FAM178B: variants seen among roughly 807,000 people sequenced by gnomAD.
FAM178B encodes the protein family with sequence similarity 178 member B, also known as protein FAM178B.
In FAM178B, 82 loss-of-function variants were observed where a neutral mutation model predicts 91.7. That is an observed-to-expected ratio of 0.89 (90% CI 0.75 to 1.07). FAM178B has a LOEUF of 1.07. FAM178B is among the 50% of genes least tolerant of loss of function. The probability of loss-of-function intolerance (pLI) is 0.00; values close to 1 mark genes in which losing one functional copy is unlikely to be tolerated. For missense variants in FAM178B, 769 were observed against 846.7 expected (o/e 0.91, Z 1.14); for synonymous variants, 368 against 359.4 (o/e 1.02, Z -0.27).
chr2:96,881,588 A>G lies in FAM178B; in HGVS notation c.1777-3095T>C, dbSNP rs1389218073. Among the ~76,000 whole-genome samples, 2 of 151,676 alleles carry G rather than the reference A, an allele frequency of 1.3e-5. 1 individual carries two copies. The highest frequency in any genetic ancestry group is 4.8e-5 in the African/African-American group (2 of 41,310). Reference sequence around the variant, plus strand: ...CCGGCTGCAGAACTTCCCCTCCTAGAAGGAGTCGTGGGGAGGGTCTGAGAT... The same window carrying G: ...CCGGCTGCAGAACTTCCCCTCCTAGGAGGAGTCGTGGGGAGGGTCTGAGAT... On this transcript the variant is annotated intron_variant, in intron 14 of 16. Coordinates refer to ENST00000490605, the MANE Select transcript of FAM178B (RefSeq NM_001122646.3).
At chr2:96,981,752 A>AGAAAAT (rs200779582) in intron 1 of FAM178B, among the ~76,000 whole-genome samples, 2 of 34,928 alleles carry the variant, frequency 5.7e-5, no homozygotes, top group Non-Finnish European at 3.9e-4. Context: ...AAAAAAAAAA[A>AGAAAAT]AAAAAAAAAA....
chr2:96,918,834 G>A (rs544869025), intron 12 of FAM178B, among the ~76,000 whole-genome samples: 9 of 152,238 alleles, frequency 5.9e-5, no homozygotes, highest in African/African-American at 1.9e-4. Context: ...TGACTTAACC[G>A]GTTTATGTTA....
At chr2:96,963,848 C>T (rs947785002) in intron 5 of FAM178B, among the ~76,000 whole-genome samples, 53 of 152,192 alleles carry the variant, frequency 3.5e-4, no homozygotes, top group Non-Finnish European at 8.8e-5. Flanking sequence ...AAACTTTTCA[C>T]AAAGTTTGCT....
At chr2:96,980,468 G>C (rs2082347390) in intron 1 of FAM178B, among the ~76,000 whole-genome samples, 1 of 152,222 alleles carries the variant, frequency 6.6e-6, no homozygotes, top group Admixed American at 6.5e-5. Context: ...TGTGATCATA[G>C]CTCACTGCAG....
intron 8 of FAM178B, among the ~76,000 whole-genome samples, chr2:96,933,269 A>C (rs1419642903): frequency 3.3e-5 from 5 of 152,124 alleles, no homozygotes; most frequent in Non-Finnish European, 7.4e-5. Context: ...AAAAATTAAA[A>C]AAATTTGCCA....
chr2:96,942,664 G>T (rs1241844178), intron 8 of FAM178B, among the ~76,000 whole-genome samples: 1 of 152,036 alleles, frequency 6.6e-6, no homozygotes, highest in Non-Finnish European at 1.5e-5. Context: ...CAAAGTGCTG[G>T]GATTACAGGC....
chr2:96,904,189 A>ACAG (rs956817852), intron 12 of FAM178B, among the ~76,000 whole-genome samples: 8 of 152,002 alleles, frequency 5.3e-5, no homozygotes, highest in Middle Eastern at 3.4e-3. Flanking sequence ...GAAGGTTTGC[A>ACAG]CAGCAGCAGC....
chr2:96,900,479 G>A (rs1256083694), intron 13 of FAM178B, among the ~76,000 whole-genome samples: 1 of 152,156 alleles, frequency 6.6e-6, no homozygotes, highest in African/African-American at 2.4e-5. Context: ...CAGAAACTAC[G>A]TGTTCCCTGT....
intron 8 of FAM178B, among the ~76,000 whole-genome samples, chr2:96,947,402 T>C (rs1199277525): frequency 1.3e-5 from 2 of 152,146 alleles, no homozygotes; most frequent in Non-Finnish European, 2.9e-5. Context: ...ACTCTTCCCT[T>C]TGGTGACTCC....
chr2:96,959,953 C>A (rs551907956), intron 6 of FAM178B, among the ~76,000 whole-genome samples: 1 of 152,180 alleles, frequency 6.6e-6, no homozygotes, highest in East Asian at 1.9e-4. Flanking sequence ...CAGGAAGGGG[C>A]CAGTGCTGAT....
intron 12 of FAM178B, among the ~76,000 whole-genome samples, chr2:96,915,811 A>G (rs907375587): frequency 1.3e-5 from 2 of 151,818 alleles, no homozygotes; most frequent in Non-Finnish European, 2.9e-5. Context: ...GTGGGAAAAA[A>G]AAAAAAAGAA....
At chr2:96,969,677 T>A (rs1037362310) in intron 4 of FAM178B, among the ~76,000 whole-genome samples, 1 of 152,200 alleles carries the variant, frequency 6.6e-6, no homozygotes, top group Non-Finnish European at 1.5e-5. Flanking sequence ...TGGAAATATA[T>A]AGGCATGGTC....
At chr2:96,978,678 G>A (rs550064795) in intron 1 of FAM178B, among the ~76,000 whole-genome samples, 1 of 150,402 alleles carries the variant, frequency 6.6e-6, no homozygotes, top group African/African-American at 2.4e-5. Flanking sequence ...AGGCTGGAGT[G>A]CAGCGGCGTC....
At chr2:96,966,891 C>T (rs1195196398) in intron 5 of FAM178B, among the ~76,000 whole-genome samples, 1 of 152,128 alleles carries the variant, frequency 6.6e-6, no homozygotes, top group East Asian at 1.9e-4. Flanking sequence ...CCTGCTGGCT[C>T]CCGGGTCTCA....
At chr2:96,891,632 G>C (rs942344326) in intron 14 of FAM178B, among the ~76,000 whole-genome samples, 1 of 152,240 alleles carries the variant, frequency 6.6e-6, no homozygotes, top group Non-Finnish European at 1.5e-5. Context: ...CAAGGGATCA[G>C]TGAGGAGAGA....
At chr2:96,936,198 T>C (rs1457407905) in intron 8 of FAM178B, among the ~76,000 whole-genome samples, 1 of 151,962 alleles carries the variant, frequency 6.6e-6, no homozygotes, top group Non-Finnish European at 1.5e-5. Flanking sequence ...TTTATTTATT[T>C]ATTTATTATT....
At chr2:96,928,672 G>T (rs1029970173) in intron 9 of FAM178B, among the ~76,000 whole-genome samples, 6 of 152,202 alleles carry the variant, frequency 3.9e-5, no homozygotes, top group Non-Finnish European at 8.8e-5. Flanking sequence ...GGGCAGCGGG[G>T]GCTGAGTCAG....
intron 12 of FAM178B, among the ~76,000 whole-genome samples, chr2:96,902,967 T>G (rs538132504): frequency 1.5e-4 from 23 of 152,370 alleles, no homozygotes; most frequent in African/African-American, 5.5e-4. Flanking sequence ...TGGGCTTTTC[T>G]TAGTTTTTTA....
intron 13 of FAM178B, among the ~76,000 whole-genome samples, chr2:96,895,331 T>C (rs1465715570): frequency 6.6e-6 from 1 of 152,222 alleles, no homozygotes; most frequent in Non-Finnish European, 1.5e-5. Flanking sequence ...CCTCCAACAG[T>C]TGGTCTGTTT....
Sources: gnomAD v4.1 joint callset for allele counts (sites outside exome capture counted in the v4.1 genomes callset) on GRCh38, gnomAD v4.1.1 for gene constraint, MANE v1.5 for transcripts, NCBI Gene and HGNC (gene_info 2026-07-23, HGNC 2026-07-21) for gene names.